Variants in CEP250 observed in about 807,000 individuals in gnomAD.
CEP250 encodes centrosome-associated protein CEP250.
CEP250 carries 242 observed loss-of-function variants against 315.7 expected under a neutral mutation model. That is an observed-to-expected ratio of 0.77 (90% CI 0.69 to 0.85). The LOEUF (loss-of-function observed/expected upper bound fraction) is 0.85. Among genes scored for constraint, CEP250 ranks in the 40% least tolerant of loss-of-function variants. The pLI is 0.00. For synonymous variants in CEP250, 1,088 were observed against 1,175.0 expected (o/e 0.93, Z 1.51); for missense variants, 2,515 against 2,886.4 (o/e 0.87, Z 2.95).
Position 35,511,376 on chromosome 20 carries a change from A to C in CEP250, c.7079A>C (p.Gln2360Pro). 1.2e-6 allele frequency: 2 copies of C among 1,604,418 alleles called. No individual in the cohort carries two copies. Among genetic ancestry groups the C allele is most frequent in the South Asian group, 2.2e-5 (2 of 90,398 alleles). Residue 2360 changes from glutamine to proline, a missense_variant, in exon 35 of 35, where the codon CAA (glutamine) becomes CCA (proline). Physicochemically the swap from Gln to Pro is moderately conservative, Grantham distance 76 (BLOSUM62 -1). Transcript: ENST00000397527. ...CCTGCCCACCAGGTGGTCCTGCTGC[A>C]AGCTCAGCTGACTTTGGAGCGGAAG... The part of the protein sequence containing the change: ...AELQKEVVLL[Q>P]AQLTLERKQK...
Position 35,512,152 on chromosome 20 carries a change from C to A in CEP250, c.*526C>A. On this transcript the variant is annotated 3_prime_UTR_variant, in exon 35 of 35. Coordinates refer to ENST00000397527, the MANE Select transcript of CEP250 (RefSeq NM_007186.6). ...AGACAAAGCCCCTGTCCACAGACAG[C>A]CTACAGTCCAGTTGATGAGAACAGG... The A allele has an allele frequency of 1.9e-6, 1 of 522,434 alleles. No individual in the cohort carries two copies. The allele number at this position is 522,434 out of a possible 1,614,324, so 32.4% of individuals were successfully genotyped here.
At position 35,503,563 on chromosome 20, in the gene CEP250, C is replaced by G. The variant is rs569197635; in HGVS notation, c.5194C>G (p.Arg1732Gly). 20 of 1,613,916 alleles carry G rather than the reference C, an allele frequency of 1.2e-5. No homozygotes were observed. Among genetic ancestry groups the G allele is most frequent in the Non-Finnish European group, 1.7e-5 (20 of 1,180,018 alleles). Residue 1732 changes from arginine to glycine, a missense_variant, in exon 30 of 35, where the codon CGT becomes GGT. Coordinates refer to ENST00000397527, the MANE Select transcript of CEP250 (RefSeq NM_007186.6). The surrounding 1 kb of genome is among the most constrained non-coding windows in gnomAD (Gnocchi z 4.2). ...GSLEHMKLIL[R>G]DKEKEVECQQ... ...CCTAGAGCACATGAAGCTGATCCTGCGTGATAAGGAGAAGGAGGTGGAATG... is the reference window on the plus strand; with the variant it reads ...CCTAGAGCACATGAAGCTGATCCTGGGTGATAAGGAGAAGGAGGTGGAATG...
At position 35,479,244 on chromosome 20, in the gene CEP250, A is replaced by G. The variant is rs998430700; in HGVS notation, c.2108A>G (p.Gln703Arg). The G allele has an allele frequency of 1.2e-6, 2 of 1,613,894 alleles. No homozygotes were observed. Among genetic ancestry groups the G allele is most frequent in the Non-Finnish European group, 1.7e-6 (2 of 1,179,846 alleles). The change falls in exon 18 of 35, where the codon CAG (glutamine) becomes CGG (arginine). Residue 703 changes from glutamine (Q) to arginine (R), a missense_variant. Physicochemically the swap from Gln to Arg is conservative, Grantham distance 43 (BLOSUM62 1). Transcript: ENST00000397527. The part of the protein sequence containing the change: ...QKKLSESRHQ[Q>R]EAATTQLEQL... The stretch of plus-strand genomic sequence containing the variant: ...TCTTCCCCTCAGTCACGTCACCAGC[A>G]GGAGGCAGCCACGACTCAGCTGGAG...
Position 35,512,189 on chromosome 20 carries a change from T to A in CEP250, c.*563T>A. ...TTGATGAGAACAGGCTAACACTCAT[T>A]TATGAGTCAGAGGCAATTCTGTGTA... On this transcript the variant is annotated 3_prime_UTR_variant, in exon 35 of 35. Transcript: ENST00000397527. 3 of 268,566 alleles carry A rather than the reference T, an allele frequency of 1.1e-5. No individual in the cohort carries two copies. The highest frequency in any genetic ancestry group is 1.7e-5 in the Non-Finnish European group (3 of 174,156). 16.6% of individuals were successfully genotyped at this position (268,566 alleles called of 1,614,324 possible).
chr20:35,518,716 A>C lies in CEP250; in HGVS notation c.*7090A>C, dbSNP rs1269798861. ...TACTTGTCTAGGCCTAGAATCTTTT[A>C]GTGAAGAAAAAGTATTTAGAAGACA... is the stretch of plus-strand genomic sequence containing the variant. On this transcript the variant is annotated 3_prime_UTR_variant, in exon 35 of 35. Coordinates refer to ENST00000397527, the MANE Select transcript of CEP250 (RefSeq NM_007186.6). The C allele has an allele frequency of 6.6e-6, 1 of 152,158 alleles. No homozygotes were observed. Among genetic ancestry groups the C allele is most frequent in the East Asian group, 1.9e-4 (1 of 5,200 alleles). The allele number at this position is 152,158 out of a possible 1,614,324, so 9.4% of individuals were successfully genotyped here.
intron 30 of CEP250, among the ~76,000 whole-genome samples, chr20:35,506,223 G>A (rs1187387338): frequency 1.3e-5 from 2 of 152,152 alleles, no homozygotes; most frequent in East Asian, 1.9e-4. Flanking sequence ...GGAAATGGAG[G>A]GAGGAGCCTG....
rs2064411397 is a variant in CEP250, at chr20:35,514,402, G to T, written c.*2776G>T. 1 of 152,286 alleles carries T rather than the reference G, an allele frequency of 6.6e-6. No individual in the cohort carries two copies. The highest frequency in any genetic ancestry group is 2.4e-5 in the African/African-American group (1 of 41,466). 9.4% of individuals were successfully genotyped at this position (152,286 alleles called of 1,614,324 possible). ...CCCCCTTCCTAATCTTGTCTGCTTT[G>T]ATAGAAGCTGGTACTGGCTGGAAAG... On this transcript the variant is annotated 3_prime_UTR_variant, in exon 35 of 35. Transcript: ENST00000397527.
chr20:35,499,792 G>A (rs796594628), intron 27 of CEP250, among the ~76,000 whole-genome samples: 2 of 152,326 alleles, frequency 1.3e-5, no homozygotes, highest in African/African-American at 2.4e-5. Context: ...GGCTAACTTT[G>A]AGCAGGAGCT....
rs530254316 is a variant in CEP250, at chr20:35,504,174, C to G, written c.5805C>G (p.Leu1935=). Residue 1935 remains leucine, a synonymous_variant, in exon 30 of 35, where the codon CTC becomes CTG. Transcript: ENST00000397527. ...QDSWLQAQAV[L]KERDQELEAL... is the part of the protein sequence containing the mutation. ...GCTGGCTGCAGGCCCAGGCAGTGCTCAAGGAACGGGACCAGGAGCTGGAAG... is the reference window on the plus strand; with the variant it reads ...GCTGGCTGCAGGCCCAGGCAGTGCTGAAGGAACGGGACCAGGAGCTGGAAG... 4.2e-5 allele frequency: 68 copies of G among 1,613,802 alleles called. No homozygotes were observed. In the Admixed American group the frequency reaches 5.2e-4, roughly 12 times the overall value.
chr20:35,488,947 AG>A (rs2063602915), intron 20 of CEP250, among the ~76,000 whole-genome samples: 2 of 152,094 alleles, frequency 1.3e-5, no homozygotes, highest in South Asian at 4.1e-4. Context: ...GCACTTTGGG[AG>A]GCCTAAGCGG....
chr20:35,473,304 A>G (rs1235352942), intron 12 of CEP250, 70 bp from the exon 13 acceptor site: 1 of 1,402,932 alleles, frequency 7.1e-7, no homozygotes, highest in Non-Finnish European at 9.7e-7. Context: ...CTCCAGCCCC[A>G]CTTTCGGGGT....
rs2147246119 is a variant in CEP250 at position 35,512,171 on chromosome 20, G to A, written c.*545G>A. 1 of 350,068 alleles carries A rather than the reference G, an allele frequency of 2.9e-6. No homozygotes were observed. Among genetic ancestry groups the A allele is most frequent in the Admixed American group, 6.4e-5 (1 of 15,662 alleles). 21.7% of individuals were successfully genotyped at this position (350,068 alleles called of 1,614,324 possible). On this transcript the variant is annotated 3_prime_UTR_variant, in exon 35 of 35. Transcript: ENST00000397527. ...AGACAGCCTACAGTCCAGTTGATGA[G>A]AACAGGCTAACACTCATTTATGAGT...
rs2064457259 is a variant in CEP250 at position 35,519,106 on chromosome 20, T to C, written c.*7480T>C. ...GCTGATCGTTGCTAATGGAGTGTTA[T>C]GGCTGTTCAGATGACAGAGGGAGAA... is the stretch of plus-strand genomic sequence containing the variant. On this transcript the variant is annotated 3_prime_UTR_variant, in exon 35 of 35. Coordinates refer to ENST00000397527, the MANE Select transcript of CEP250 (RefSeq NM_007186.6). The C allele has an allele frequency of 6.6e-6, 1 of 152,020 alleles. No individual in the cohort carries two copies. The highest frequency in any genetic ancestry group is 2.4e-5 in the African/African-American group (1 of 41,400). 9.4% of individuals were successfully genotyped at this position (152,020 alleles called of 1,614,324 possible).
chr20:35,459,490 T>C (rs2146644848), intron 2 of CEP250, among the ~76,000 whole-genome samples: 1 of 152,184 alleles, frequency 6.6e-6, no homozygotes, highest in East Asian at 1.9e-4. Context: ...AGATAAAAAG[T>C]AATGAGTGAG....
At chr20:35,494,482 C>T in intron 23 of CEP250, 42 bp from the exon 24 acceptor site, 1 of 1,611,192 alleles carries the variant, frequency 6.2e-7, no homozygotes, top group Middle Eastern at 2.1e-4. Flanking sequence ...CCCACCGGCC[C>T]CCTGCCCTGC....
intron 17 of CEP250, 44 bp from the exon 18 acceptor site, chr20:35,479,187 G>A (rs766254788): frequency 5.0e-6 from 8 of 1,585,272 alleles, no homozygotes; most frequent in Non-Finnish European, 8.6e-7. Context: ...GGCCCCAGGG[G>A]AATCCAGCCT....
intron 9 of CEP250, 91 bp from the exon 10 acceptor site, chr20:35,469,799 G>T: frequency 1.4e-6 from 1 of 726,236 alleles, no homozygotes; most frequent in Non-Finnish European, 2.2e-6. Flanking sequence ...GGGAGTGGTT[G>T]GGGTTGGGGC....
At position 35,511,403 on chromosome 20, in the gene CEP250, A is replaced by G. The variant is rs1237168281; in HGVS notation, c.7106A>G (p.Gln2369Arg). 1.2e-6 allele frequency: 2 copies of G among 1,612,486 alleles called. 1 individual carries two copies. Among genetic ancestry groups the G allele is most frequent in the Admixed American group, 3.3e-5 (2 of 59,936 alleles). ...GCTCAGCTGACTTTGGAGCGGAAGC[A>G]GAAGCAGGACTACATCACCCGCTCA... Reference protein sequence around the residue: ...LQAQLTLERKQKQDYITRSAQ... With the variant: ...LQAQLTLERKRKQDYITRSAQ... The change falls in exon 35 of 35, where the codon CAG (glutamine) becomes CGG (arginine). Residue 2369 changes from glutamine to arginine, a missense_variant. Gln to Arg is a conservative substitution (Grantham distance 43). Transcript: ENST00000397527.
chr20:35,479,137 A>G (rs2063263684), intron 17 of CEP250, 94 bp from the exon 18 acceptor site: 1 of 1,244,372 alleles, frequency 8.0e-7, no homozygotes, highest in Non-Finnish European at 1.1e-6. Context: ...AGCTGGGTCC[A>G]GAATCTCTGA....
Sources: gnomAD v4.1 joint callset for allele counts (sites outside exome capture counted in the v4.1 genomes callset) on GRCh38, gnomAD v4.1.1 for gene constraint, Gnocchi (gnomAD v3.1) non-coding constraint, MANE v1.5 for transcripts, NCBI Gene and HGNC (gene_info 2026-07-23, HGNC 2026-07-21) for gene names.